The following CELF4 variants were observed in gnomAD, a reference collection of about 807,000 sequenced individuals.
The protein encoded by CELF4 is CUGBP Elav-like family member 4.
A neutral mutation model predicts 59.9 loss-of-function variants in CELF4; 18 were observed. The observed-to-expected ratio is 0.30, with a 90% CI of 0.21 to 0.45. CELF4 has a LOEUF of 0.45. Ranked by LOEUF, CELF4 falls within the 20% of genes least tolerant of loss-of-function variation. The pLI is 1.00. For synonymous variants in CELF4, 261 were observed against 267.1 expected (o/e 0.98, Z 0.22); for missense variants, 456 against 689.0 (o/e 0.66, Z 3.79).
At chr18:37,308,458 C>A (rs976359177) in intron 3 of CELF4, among the ~76,000 whole-genome samples, 1 of 152,198 alleles carries the variant, frequency 6.6e-6, no homozygotes, top group Non-Finnish European at 1.5e-5. Context: ...CGGGCACAGG[C>A]CACCCCTCTG....
chr18:37,347,746 G>A (rs566483347), intron 2 of CELF4, among the ~76,000 whole-genome samples: 24 of 152,252 alleles, frequency 1.6e-4, no homozygotes, highest in African/African-American at 5.3e-4. Flanking sequence ...GGTACACAGG[G>A]GGCAAGTCCC....
chr18:37,263,443 C>T (rs960600755), intron 10 of CELF4, among the ~76,000 whole-genome samples: 4 of 152,102 alleles, frequency 2.6e-5, no homozygotes, highest in African/African-American at 9.7e-5. Flanking sequence ...TGGAGGCCAT[C>T]GGAAGGCTCT....
intron 2 of CELF4, among the ~76,000 whole-genome samples, chr18:37,380,629 TCATCCATTTATCCATC>T (rs2099026088): frequency 6.7e-6 from 1 of 149,776 alleles, no homozygotes; most frequent in African/African-American, 2.5e-5. Flanking sequence ...ATTCATTTCT[TCATCCATTTATCCATC>T]CATCCATCTA....
At chr18:37,521,993 G>A (rs566396576) in intron 1 of CELF4, among the ~76,000 whole-genome samples, 17 of 152,306 alleles carry the variant, frequency 1.1e-4, no homozygotes, top group Middle Eastern at 3.4e-3. Context: ...CTCAGCACCC[G>A]GTGAGTTTAA....
intron 12 of CELF4, among the ~76,000 whole-genome samples, chr18:37,248,768 G>A (rs2063614089): frequency 6.6e-6 from 1 of 152,062 alleles, no homozygotes; most frequent in Non-Finnish European, 1.5e-5. Flanking sequence ...GCTGCACCTG[G>A]GCCCCTTTGG....
chr18:37,450,009 T>C (rs2099758685), intron 2 of CELF4, among the ~76,000 whole-genome samples: 1 of 152,082 alleles, frequency 6.6e-6, no homozygotes, highest in African/African-American at 2.4e-5. Flanking sequence ...CTTCAGGAGT[T>C]GAGGGACACA....
intron 11 of CELF4, among the ~76,000 whole-genome samples, chr18:37,255,616 C>A (rs1178138035): frequency 1.3e-5 from 2 of 151,746 alleles, no homozygotes; most frequent in Admixed American, 1.3e-4. Flanking sequence ...TATGTCTAAT[C>A]ACTAAAGTCA....
intron 2 of CELF4, among the ~76,000 whole-genome samples, chr18:37,346,210 G>T (rs924332454): frequency 1.3e-5 from 2 of 152,180 alleles, no homozygotes; most frequent in African/African-American, 2.4e-5. Context: ...CTGCCCCAAT[G>T]TCTAGTGCAG....
chr18:37,273,032 A>C lies in CELF4; in HGVS notation c.933T>G (p.Pro311=), dbSNP rs1322221371. ...CCAGCTCACCTGAGGTTGGGGTCAT[A>C]GGTGCGGCCGCCAGGCCATTCATGT... is the stretch of plus-strand genomic sequence containing the variant. ...ALNMNGLAAA[P]MTPTSGGSTP... The change falls in exon 7 of 13, where the codon CCT becomes CCG. Residue 311 remains proline (P), a synonymous_variant. Coordinates refer to ENST00000420428, the MANE Select transcript of CELF4 (RefSeq NM_020180.4). 22 of 1,610,904 alleles carry C rather than the reference A, an allele frequency of 1.4e-5. No homozygotes were observed. Among genetic ancestry groups the C allele is most frequent in the Non-Finnish European group, 1.9e-5 (22 of 1,179,198 alleles).
At chr18:37,426,241 T>C (rs1272323156) in intron 2 of CELF4, among the ~76,000 whole-genome samples, 1 of 152,136 alleles carries the variant, frequency 6.6e-6, no homozygotes, top group African/African-American at 2.4e-5. Flanking sequence ...GGGACACTGG[T>C]CTTCTGTCTG....
intron 2 of CELF4, among the ~76,000 whole-genome samples, chr18:37,344,545 G>C (rs1273211553): frequency 6.6e-6 from 1 of 152,276 alleles, no homozygotes; most frequent in African/African-American, 2.4e-5. Flanking sequence ...ACTACAGGTA[G>C]ACTCTGGAAG....
At chr18:37,251,584 T>C (rs1034539382) in intron 12 of CELF4, among the ~76,000 whole-genome samples, 1 of 152,140 alleles carries the variant, frequency 6.6e-6, no homozygotes, top group Non-Finnish European at 1.5e-5. Flanking sequence ...AACACCTTAG[T>C]CTCATTAATG....
intron 12 of CELF4, among the ~76,000 whole-genome samples, chr18:37,250,074 T>A (rs2064530290): frequency 6.6e-6 from 1 of 152,104 alleles, no homozygotes; most frequent in Admixed American, 6.5e-5. Context: ...TGGTAAGCAG[T>A]GGCGGAACAA....
At chr18:37,535,265 A>G (rs935171860) in intron 1 of CELF4, among the ~76,000 whole-genome samples, 45 of 152,222 alleles carry the variant, frequency 3.0e-4, no homozygotes, top group African/African-American at 1.1e-3. Context: ...TTAGATTAAA[A>G]TCTACATGAC....
chr18:37,499,945 C>G (rs188499692), intron 1 of CELF4, among the ~76,000 whole-genome samples: 1 of 152,140 alleles, frequency 6.6e-6, no homozygotes. Flanking sequence ...GAAAGGAGCA[C>G]GAGTCAATCA....
intron 2 of CELF4, among the ~76,000 whole-genome samples, chr18:37,395,699 C>A (rs2099236043): frequency 6.6e-6 from 1 of 152,230 alleles, no homozygotes; most frequent in South Asian, 2.1e-4. Flanking sequence ...GAAGTCCAAT[C>A]CAATTGACCT....
intron 2 of CELF4, among the ~76,000 whole-genome samples, chr18:37,375,713 C>T (rs1291913942): frequency 6.6e-6 from 1 of 152,174 alleles, no homozygotes; most frequent in African/African-American, 2.4e-5. Flanking sequence ...TACCACTGCC[C>T]ACCTGGCCTC....
Position 37,254,937 on chromosome 18 carries a change from G to A in CELF4, c.1334-999C>T, listed in dbSNP as rs922068908. ...TGCTCCTCGAGAAAGGGCTTGTGTG[G>A]TCAGGAGGTTTAGAGCCAGGCCCAC... On this transcript the variant is annotated intron_variant, in intron 11 of 12. Coordinates refer to ENST00000420428, the MANE Select transcript of CELF4 (RefSeq NM_020180.4). The surrounding 1 kb of genome is among the most constrained non-coding windows in gnomAD (Gnocchi z 5.1). 6.6e-6 allele frequency among the ~76,000 whole-genome samples: 1 copy of A among 152,186 alleles called. No individual in the cohort carries two copies. The highest frequency in any genetic ancestry group is 2.4e-5 in the African/African-American group (1 of 41,446).
intron 3 of CELF4, among the ~76,000 whole-genome samples, chr18:37,289,388 T>C (rs558923058): frequency 1.4e-4 from 22 of 152,216 alleles, no homozygotes; most frequent in Admixed American, 1.0e-3. Flanking sequence ...GCTCCAGAAT[T>C]GTATTTTGAA....
Sources: allele counts gnomAD v4.1 joint callset (sites outside exome capture counted in the v4.1 genomes callset), GRCh38; gene constraint gnomAD v4.1.1; non-coding constraint Gnocchi (gnomAD v3.1); transcripts MANE v1.5; gene names NCBI Gene and HGNC (gene_info 2026-07-23, HGNC 2026-07-21).